KAT6A: variants seen among roughly 807,000 people sequenced by gnomAD.
The protein encoded by KAT6A is lysine acetyltransferase 6A, also known as histone acetyltransferase KAT6A.
KAT6A carries 9 observed loss-of-function variants against 198.4 expected under a neutral mutation model. That is an observed-to-expected ratio of 0.05 (90% CI 0.03 to 0.08). The LOEUF (loss-of-function observed/expected upper bound fraction) is 0.08. Ranked by LOEUF, KAT6A falls within the 10% of genes least tolerant of loss-of-function variation. The pLI is 1.00. For synonymous variants in KAT6A, 890 were observed against 883.0 expected, an observed-to-expected ratio of 1.01 and a Z score of -0.14; for missense variants, 2,077 against 2,509.9, an observed-to-expected ratio of 0.83 and a Z score of 3.69.
intron 9 of KAT6A, among the ~76,000 whole-genome samples, chr8:41,954,063 TC>T (rs1210606054): frequency 4.6e-5 from 7 of 152,190 alleles, no homozygotes; most frequent in African/African-American, 1.4e-4. Context: ...TTGCTGTGTT[TC>T]ATGAGCTTGT....
intron 15 of KAT6A, 21 bp from the exon 16 acceptor site, chr8:41,937,589 G>C: frequency 6.4e-7 from 1 of 1,569,520 alleles, no homozygotes; most frequent in Non-Finnish European, 8.7e-7. Context: ...GAGAAAGCAA[G>C]TATTTACAGT....
rs751096264 is a variant in KAT6A at position 41,933,452 on chromosome 8, C to T, written c.4768G>A (p.Gly1590Ser). The T allele has an allele frequency of 8.9e-5, 144 of 1,612,718 alleles. No homozygotes were observed. Among genetic ancestry groups the T allele is most frequent in the Admixed American group, 1.3e-4 (8 of 59,966 alleles). ...AGGCTGCTGGAGGACGACAGCCCAC[C>T]GTAGGAGCAGCTGCTCTGGGAAGAG... is the stretch of plus-strand genomic sequence containing the variant. ...NSSSQSSCSY[G>S]GLSSSSSLTQ... The change falls in exon 17 of 17, where the codon GGT becomes AGT. Residue 1590 changes from glycine (G) to serine (S), a missense_variant. Coordinates refer to ENST00000265713, the MANE Select transcript of KAT6A (RefSeq NM_006766.5). The surrounding 1 kb of genome is among the most constrained non-coding windows in gnomAD (Gnocchi z 6.2).
chr8:42,004,202 T>C (rs1825632321), intron 2 of KAT6A, among the ~76,000 whole-genome samples: 1 of 152,186 alleles, frequency 6.6e-6, no homozygotes, highest in Admixed American at 6.5e-5. Flanking sequence ...TTAAGACGTG[T>C]GCATTAACAT....
chr8:41,937,196 C>T, intron 16 of KAT6A, 60 bp downstream of exon 16: 1 of 1,337,946 alleles, frequency 7.5e-7, no homozygotes, highest in Non-Finnish European at 1.0e-6. Flanking sequence ...GGGTCTGTCA[C>T]TGCTACTGCT....
chr8:41,943,518 T>C (rs1289804886), intron 13 of KAT6A, among the ~76,000 whole-genome samples: 1 of 152,096 alleles, frequency 6.6e-6, no homozygotes, highest in Admixed American at 6.6e-5. Context: ...GTCCAAAAAT[T>C]AGGGGTATCA....
chr8:41,954,643 T>C (rs1224246083), intron 9 of KAT6A, among the ~76,000 whole-genome samples: 1 of 152,352 alleles, frequency 6.6e-6, no homozygotes, highest in African/African-American at 2.4e-5. Context: ...GCTCATTTAA[T>C]GTCCTCAATA....
intron 7 of KAT6A, 65 bp downstream of exon 7, chr8:41,976,943 A>T: frequency 2.4e-6 from 3 of 1,228,684 alleles, no homozygotes; most frequent in Non-Finnish European, 3.4e-6. Context: ...ATAGATAATT[A>T]GTGTTATCCC....
chr8:41,941,578 C>T (rs1822138507), intron 14 of KAT6A, 134 bp from the exon 15 acceptor site: 1 of 880,524 alleles, frequency 1.1e-6, no homozygotes, highest in Non-Finnish European at 1.7e-6. Context: ...AGTTATTTAA[C>T]ATGGATATTT....
chr8:41,945,422 C>T (rs1822328599), intron 12 of KAT6A, among the ~76,000 whole-genome samples: 1 of 151,846 alleles, frequency 6.6e-6, no homozygotes, highest in African/African-American at 2.4e-5. Flanking sequence ...AGGCGCCCAC[C>T]ACCACACCCA....
At chr8:41,978,041 A>T (rs1303582200) in intron 6 of KAT6A, among the ~76,000 whole-genome samples, 3 of 152,236 alleles carry the variant, frequency 2.0e-5, no homozygotes. Flanking sequence ...CTAGCTACTG[A>T]ATCTTGCCCC....
At chr8:42,048,055 C>T (rs118178283) in intron 2 of KAT6A, among the ~76,000 whole-genome samples, 99 of 151,706 alleles carry the variant, frequency 6.5e-4, no homozygotes, top group Non-Finnish European at 1.0e-3. Flanking sequence ...TAAAGTCTCA[C>T]GCTGGAGTAC....
At chr8:41,974,654 T>G (rs1279174799) in intron 8 of KAT6A, 50 bp downstream of exon 8, 1 of 1,095,334 alleles carries the variant, frequency 9.1e-7, no homozygotes, top group Non-Finnish European at 1.4e-6. Flanking sequence ...CTGCTGTTTC[T>G]CAGCCATGAA....
intron 2 of KAT6A, among the ~76,000 whole-genome samples, chr8:41,990,980 G>T (rs184939760): frequency 0.013 from 1,639 of 124,722 alleles, 29 homozygotes; most frequent in African/African-American, 0.053. Context: ...GGGTGACAGG[G>T]CGAGACTCCG....
intron 2 of KAT6A, among the ~76,000 whole-genome samples, chr8:41,995,111 A>G (rs1825133074): frequency 1.3e-5 from 2 of 152,206 alleles, no homozygotes; most frequent in Admixed American, 6.5e-5. Flanking sequence ...GAAGTCACTC[A>G]ATAAGTATTA....
intron 8 of KAT6A, among the ~76,000 whole-genome samples, chr8:41,965,550 C>T (rs1220091089): frequency 1.3e-5 from 2 of 152,184 alleles, no homozygotes; most frequent in Admixed American, 6.5e-5. Flanking sequence ...GGCTTCAAAC[C>T]ACTTTTTTTA....
intron 2 of KAT6A, among the ~76,000 whole-genome samples, chr8:42,040,268 G>A (rs1033247683): frequency 6.6e-6 from 1 of 151,992 alleles, no homozygotes; most frequent in Non-Finnish European, 1.5e-5. Context: ...TTGATACAGA[G>A]CAAAGAAAAA....
chr8:41,982,078 G>C, intron 3 of KAT6A, 124 bp from the exon 4 acceptor site: 2 of 592,192 alleles, frequency 3.4e-6, no homozygotes, highest in South Asian at 4.0e-5. Context: ...AATAAAGCAA[G>C]ATGCACCAGG....
chr8:42,050,722 T>A (rs1319169783), intron 1 of KAT6A, among the ~76,000 whole-genome samples: 1 of 152,126 alleles, frequency 6.6e-6, no homozygotes. Context: ...AAGTCTAAAC[T>A]AAATGAGAAG....
chr8:41,978,559 T>C (rs1824183898), intron 6 of KAT6A, 83 bp downstream of exon 6: 1 of 1,425,450 alleles, frequency 7.0e-7, no homozygotes, highest in South Asian at 1.3e-5. Context: ...TGGAATTTTT[T>C]TCATAGAGAA....
Sources: allele counts gnomAD v4.1 joint callset (sites outside exome capture counted in the v4.1 genomes callset), GRCh38; gene constraint gnomAD v4.1.1; non-coding constraint Gnocchi (gnomAD v3.1); transcripts MANE v1.5; gene names NCBI Gene and HGNC (gene_info 2026-07-23, HGNC 2026-07-21).